EDDM13: variants seen among roughly 807,000 people sequenced by gnomAD.
The protein encoded by EDDM13 is epididymal protein 13.
EDDM13 carries 24 observed loss-of-function variants against 17.8 expected under a neutral mutation model. The observed-to-expected ratio is 1.35, with a 90% CI of 0.98 to 1.90. EDDM13 has a LOEUF of 1.90. Among genes scored for constraint, EDDM13 ranks in the 40% most tolerant of loss-of-function variants. The pLI, the probability that EDDM13 is intolerant of heterozygous loss-of-function variation, is 0.00. For missense variants in EDDM13, 97 were observed against 100.8 expected, an observed-to-expected ratio of 0.96 and a Z score of 0.16; for synonymous variants, 31 against 37.5, an observed-to-expected ratio of 0.83 and a Z score of 0.63.
intron 14 of EDDM13, among the ~76,000 whole-genome samples, chr19:56,309,314 G>A (rs901863735): frequency 1.3e-5 from 2 of 149,632 alleles, no homozygotes; most frequent in Non-Finnish European, 3.0e-5. Flanking sequence ...GGAACAAGGG[G>A]AGTGACTGCT....
intron 14 of EDDM13, among the ~76,000 whole-genome samples, chr19:56,308,027 C>T (rs2040807470): frequency 6.6e-6 from 1 of 152,200 alleles, no homozygotes; most frequent in South Asian, 2.1e-4. Context: ...CATTCCATCC[C>T]CTGTCCATAT....
intron 6 of EDDM13, among the ~76,000 whole-genome samples, chr19:56,287,288 T>C (rs2039198923): frequency 6.6e-6 from 1 of 152,252 alleles, no homozygotes; most frequent in African/African-American, 2.4e-5. Flanking sequence ...GGGAAACATT[T>C]TACGGAAACC....
At chr19:56,309,303 A>G (rs932374129) in intron 14 of EDDM13, among the ~76,000 whole-genome samples, 1 of 151,506 alleles carries the variant, frequency 6.6e-6, no homozygotes, top group Non-Finnish European at 1.5e-5. Context: ...GAGGGGAGGA[A>G]GGAACAAGGG....
At chr19:56,284,646 C>A (rs1195220047) in intron 5 of EDDM13, among the ~76,000 whole-genome samples, 6 of 151,630 alleles carry the variant, frequency 4.0e-5, no homozygotes, top group African/African-American at 1.5e-4. Context: ...TCCTGAGTAG[C>A]TGGGATTACA....
chr19:56,277,304 T>C (rs552221999), intron 2 of EDDM13, among the ~76,000 whole-genome samples: 1 of 152,314 alleles, frequency 6.6e-6, no homozygotes, highest in African/African-American at 2.4e-5. Flanking sequence ...CATTAATGAA[T>C]GGAGAAACAG....
chr19:56,289,682 T>C (rs925774489), intron 8 of EDDM13, among the ~76,000 whole-genome samples: 1 of 152,158 alleles, frequency 6.6e-6, no homozygotes, highest in Non-Finnish European at 1.5e-5. Context: ...AGTGCAATCA[T>C]AGCTTACTGC....
In EDDM13 at chr19:56,287,672, G is replaced by A. The variant is rs574178239; in HGVS notation, c.155-713G>A. On this transcript the variant is annotated intron_variant, in intron 6 of 14. Coordinates refer to ENST00000649256, the MANE Select transcript of EDDM13 (RefSeq NM_001354658.2). ...AGGTATAATAACGGCAGGGGGTTGA[G>A]GCAGATGTGGAGGAAGTCACAGACT... Among the ~76,000 whole-genome samples the A allele has an allele frequency of 7.2e-5, 11 of 152,284 alleles. No individual in the cohort carries two copies. In the East Asian group the frequency reaches 1.7e-3, roughly 24 times the overall value.
At chr19:56,296,732 G>A (rs1343923271) in intron 11 of EDDM13, among the ~76,000 whole-genome samples, 1 of 151,982 alleles carries the variant, frequency 6.6e-6, no homozygotes, top group Non-Finnish European at 1.5e-5. Context: ...GAAACGCAGT[G>A]CGGGAAACTT....
chr19:56,301,439 T>C (rs969033173), intron 12 of EDDM13, among the ~76,000 whole-genome samples: 2 of 152,064 alleles, frequency 1.3e-5, no homozygotes, highest in Non-Finnish European at 2.9e-5. Context: ...ATAATTAGTA[T>C]ATAATGAGCA....
At chr19:56,290,578 G>A (rs1033009426) in intron 8 of EDDM13, among the ~76,000 whole-genome samples, 2 of 152,194 alleles carry the variant, frequency 1.3e-5, no homozygotes, top group African/African-American at 4.8e-5. Context: ...GATTCTTTGG[G>A]TTGGACACGG....
At chr19:56,288,093 A>C (rs1240457737) in intron 6 of EDDM13, among the ~76,000 whole-genome samples, 1 of 152,168 alleles carries the variant, frequency 6.6e-6, no homozygotes, top group African/African-American at 2.4e-5. Context: ...CAGAGCCAAG[A>C]AGGGAGCACA....
intron 9 of EDDM13, among the ~76,000 whole-genome samples, chr19:56,292,052 T>C (rs758759): frequency 0.85 from 129,292 of 152,142 alleles, 55,689 homozygotes; most frequent in Middle Eastern, 0.9. Flanking sequence ...GGCATCCCAG[T>C]GGTGACGGTG....
At chr19:56,284,481 AATTAG>A (rs11278219) in intron 5 of EDDM13, among the ~76,000 whole-genome samples, 111,984 of 147,636 alleles carry the variant, frequency 0.76, 44,530 homozygotes, top group Non-Finnish European at 0.88. Context: ...AGTAAACAGA[AATTAG>A]ATTAGAGACA....
intron 8 of EDDM13, among the ~76,000 whole-genome samples, chr19:56,290,410 C>T (rs1432790710): frequency 6.6e-6 from 1 of 152,362 alleles, no homozygotes. Flanking sequence ...TATTTACTGT[C>T]TGACCCTTTA....
intron 2 of EDDM13, among the ~76,000 whole-genome samples, 158 bp from the exon 3 acceptor site, chr19:56,281,535 C>T (rs529051158): frequency 8.5e-5 from 13 of 152,186 alleles, no homozygotes; most frequent in African/African-American, 2.9e-4. Context: ...ATATAAAGAT[C>T]GCACTCCATA....
chr19:56,302,545 G>T lies in EDDM13; in HGVS notation c.423+450G>T, dbSNP rs867048694. 5.1e-4 allele frequency among the ~76,000 whole-genome samples: 11 copies of T among 21,632 alleles called. No individual in the cohort carries two copies. In the East Asian group the frequency reaches 9.5e-3, roughly 19 times the overall value. 14.2% of individuals were successfully genotyped at this position (21,632 alleles called of 152,430 possible). On this transcript the variant is annotated intron_variant, in intron 13 of 14. Transcript: ENST00000649256. The stretch of plus-strand genomic sequence containing the variant: ...CCCTCCCTCCCTCTTCTTCCTCCCC[G>T]TTCCTCCCTCCCTCCCCCCTTCCTT...
At chr19:56,289,035 G>T (rs2039334161) in intron 8 of EDDM13, among the ~76,000 whole-genome samples, 144 bp downstream of exon 8, 1 of 152,174 alleles carries the variant, frequency 6.6e-6, no homozygotes, top group South Asian at 2.1e-4. Flanking sequence ...AGCATCATCA[G>T]TACAGATTCT....
intron 6 of EDDM13, among the ~76,000 whole-genome samples, chr19:56,287,268 A>C (rs2039197430): frequency 6.6e-6 from 1 of 152,230 alleles, no homozygotes; most frequent in African/African-American, 2.4e-5. Flanking sequence ...TCCCCCAAGA[A>C]ATGTGTTGTG....
At chr19:56,294,853 G>T (rs1228400630) in intron 9 of EDDM13, among the ~76,000 whole-genome samples, 1 of 152,238 alleles carries the variant, frequency 6.6e-6, no homozygotes, top group East Asian at 1.9e-4. Context: ...TGAAAACACA[G>T]TGCTCAGTCA....
Sources: gnomAD v4.1 joint callset for allele counts (sites outside exome capture counted in the v4.1 genomes callset) on GRCh38, gnomAD v4.1.1 for gene constraint, MANE v1.5 for transcripts, NCBI Gene and HGNC (gene_info 2026-07-23, HGNC 2026-07-21) for gene names.